The following STAT2 variants were observed in gnomAD, a reference collection of about 807,000 sequenced individuals.
STAT2 encodes signal transducer and activator of transcription 2, also known as interferon alpha induced transcriptional activator.
Under a neutral mutation model 122.3 loss-of-function variants are expected in STAT2, and 51 were observed. That is an observed-to-expected ratio of 0.42 (90% confidence interval 0.33 to 0.53). The LOEUF (loss-of-function observed/expected upper bound fraction) is 0.53. Ranked by LOEUF, STAT2 falls within the 20% of genes least tolerant of loss-of-function variation. The probability of loss-of-function intolerance (pLI) is 0.10; values close to 1 mark genes in which losing one functional copy is unlikely to be tolerated. For synonymous variants in STAT2, 351 were observed against 394.9 expected, an observed-to-expected ratio of 0.89 and a Z score of 1.32; for missense variants, 736 against 1,010.3, an observed-to-expected ratio of 0.73 and a Z score of 3.68.
At chr12:56,359,586 T>C (rs1348163937) in intron 1 of STAT2, among the ~76,000 whole-genome samples, 5 of 152,206 alleles carry the variant, frequency 3.3e-5, no homozygotes, top group Admixed American at 2.0e-4. Context: ...TTATCTCTCA[T>C]TCTTAGGCAC....
chr12:56,349,722 G>C, intron 13 of STAT2, 86 bp from the exon 14 acceptor site: 1 of 1,570,200 alleles, frequency 6.4e-7, no homozygotes, highest in Admixed American at 1.7e-5. Context: ...GACCTCTCAA[G>C]CCCTGGGAAC....
intron 19 of STAT2, among the ~76,000 whole-genome samples, chr12:56,348,179 C>T (rs1289489217): frequency 2.0e-5 from 3 of 151,204 alleles, no homozygotes; most frequent in Non-Finnish European, 4.4e-5. Flanking sequence ...GCTCCATCTC[C>T]CAGGTTCACG....
Position 56,343,886 on chromosome 12 carries a change from C to T in STAT2, c.2352G>A (p.Gln784=), listed in dbSNP as rs371190101. 6.2e-7 allele frequency: 1 copy of T among 1,614,060 alleles called. No homozygotes were observed. Among genetic ancestry groups the T allele is most frequent in the African/African-American group, 1.3e-5 (1 of 74,914 alleles). Residue 784 remains glutamine (Q), a synonymous_variant, in exon 23 of 24, where the codon CAG becomes CAA. Transcript: ENST00000314128. ...AGGGCAAATCTGGCTCTGGCACTGG[C>T]TGTGATACAGGTCCTTGGTCTGGCT... The part of the protein sequence containing the change: ...VPEPDQGPVS[Q]PVPEPDLPCD...
chr12:56,354,304 G>A (rs1274017094), intron 8 of STAT2, 162 bp downstream of exon 8: 8 of 1,038,854 alleles, frequency 7.7e-6, no homozygotes, highest in Non-Finnish European at 1.1e-5. Flanking sequence ...CTCCCTGCGT[G>A]GTGAGGATGA....
Position 56,355,443 on chromosome 12 carries a change from C to T in STAT2, c.471G>A (p.Glu157=). ...SRILDLRAMM[E]KLVKSISQLK... ...CCTAACTCCTACCACATCTACTAAC[C>T]TCCATCATAGCCCTTAAATCCAGGA... is the stretch of plus-strand genomic sequence containing the variant. Residue 157 remains glutamate, a splice_region_variant and synonymous_variant, in exon 5 of 24, where the codon GAG becomes GAA. Transcript: ENST00000314128. The T allele has an allele frequency of 6.2e-7, 1 of 1,614,190 alleles. No homozygotes were observed. Among genetic ancestry groups the T allele is most frequent in the East Asian group, 2.2e-5 (1 of 44,886 alleles).
Position 56,354,596 on chromosome 12 carries a change from T to A in STAT2, c.652A>T (p.Lys218Ter). ...GTAGTTAATCGGCCTAGCAGTGCTTTGGAGGCATCCAGCACCTCCTGGGAA... is the reference window on the plus strand; with the variant it reads ...GTAGTTAATCGGCCTAGCAGTGCTTAGGAGGCATCCAGCACCTCCTGGGAA... ...KRRKEVLDAS[K>*]ALLGRLTTLI... The change falls in exon 8 of 24, where the codon AAA becomes TAA. Residue 218 changes from lysine to a stop codon, truncating the protein, a stop_gained. Transcript: ENST00000314128. LOFTEE classifies it high-confidence loss of function. The A allele has an allele frequency of 6.2e-7, 1 of 1,614,192 alleles. No individual in the cohort carries two copies. The highest frequency in any genetic ancestry group is 1.1e-5 in the South Asian group (1 of 91,090).
At position 56,355,356 on chromosome 12, in the gene STAT2, A is replaced by G. The variant is rs1490995465; in HGVS notation, c.472-5T>C. 1 of 1,614,216 alleles carries G rather than the reference A, an allele frequency of 6.2e-7. No individual in the cohort carries two copies. The highest frequency in any genetic ancestry group is 8.5e-7 in the Non-Finnish European group (1 of 1,180,036). On this transcript the variant is annotated splice_region_variant and splice_polypyrimidine_tract_variant and intron_variant, in intron 5 of 23. Transcript: ENST00000314128. ...GCTGATGGATTTTACCAGCTTCTGC[A>G]GAGGGGAGAGGACCCCGATGAGGCT...
Position 56,344,185 on chromosome 12 carries a change from A to T in STAT2, c.2103-50T>A, listed in dbSNP as rs763264792. On this transcript the variant is annotated intron_variant, in intron 22 of 23. Transcript: ENST00000314128. ...GGGCAGGGCTCAGTGGTTCAAATGA[A>T]ATCAGGAATGGTAGAATAAGCAGAA... The T allele has an allele frequency of 2.6e-6, 4 of 1,517,362 alleles. No individual in the cohort carries two copies. The South Asian group carries it at 5.0e-5, about 19-fold the overall frequency. 94.0% of individuals were successfully genotyped at this position (1,517,362 alleles called of 1,614,324 possible). A position where few individuals can be genotyped will look rare whatever the true frequency, so the allele number is the denominator to read the frequency against.
intron 1 of STAT2, among the ~76,000 whole-genome samples, chr12:56,357,351 T>C (rs1175307759): frequency 6.6e-6 from 1 of 151,960 alleles, no homozygotes; most frequent in Non-Finnish European, 1.5e-5. Context: ...CTGTATTTTT[T>C]TTTTCTTCAG....
At chr12:56,345,172 C>CAAAAA (rs35648397) in intron 22 of STAT2, among the ~76,000 whole-genome samples, 998 of 27,124 alleles carry the variant, frequency 0.037, 63 homozygotes, top group Non-Finnish European at 0.056. Context: ...GAGACTGTCT[C>CAAAAA]AAAAAAAAAA....
chr12:56,353,731 C>A (rs866398655), intron 8 of STAT2, among the ~76,000 whole-genome samples: 1 of 151,456 alleles, frequency 6.6e-6, no homozygotes, highest in African/African-American at 2.4e-5. Flanking sequence ...TGGTGGCTCA[C>A]GCCTGTAATC....
intron 22 of STAT2, among the ~76,000 whole-genome samples, chr12:56,345,830 T>C (rs1425661715): frequency 2.0e-5 from 3 of 150,502 alleles, no homozygotes; most frequent in Non-Finnish European, 3.0e-5. Flanking sequence ...AGGTACCCAT[T>C]AACACCAGTG....
intron 8 of STAT2, 142 bp from the exon 9 acceptor site, chr12:56,351,592 G>T: frequency 1.1e-6 from 1 of 871,750 alleles, no homozygotes; most frequent in Non-Finnish European, 1.7e-6. Context: ...AGCATATAAA[G>T]GATTATTCAA....
intron 6 of STAT2, 175 bp downstream of exon 6, chr12:56,355,101 G>A (rs1879301556): frequency 2.6e-6 from 2 of 757,676 alleles, no homozygotes; most frequent in Non-Finnish European, 4.3e-6. Flanking sequence ...TCTCTCAGCT[G>A]CACCTCCAGC....
At chr12:56,357,864 T>C (rs1036672825) in intron 1 of STAT2, among the ~76,000 whole-genome samples, 2 of 151,884 alleles carry the variant, frequency 1.3e-5, no homozygotes, top group African/African-American at 2.4e-5. Context: ...GAGTGTGCCA[T>C]CATGCCAGCT....
intron 1 of STAT2, 87 bp downstream of exon 1, chr12:56,359,971 A>G: frequency 1.1e-6 from 1 of 873,598 alleles, no homozygotes; most frequent in Non-Finnish European, 1.4e-6. Flanking sequence ...TCCAGGGGGT[A>G]ACCCCTGGGG....
chr12:56,354,926 A>G, intron 6 of STAT2, 63 bp from the exon 7 acceptor site: 1 of 1,512,662 alleles, frequency 6.6e-7, no homozygotes, highest in South Asian at 1.1e-5. Context: ...CTGGGGTCTC[A>G]GTCAGAGTCA....
Position 56,351,278 on chromosome 12 carries a change from C to T in STAT2, c.941+14G>A, listed in dbSNP as rs368651882. 8.7e-6 allele frequency: 14 copies of T among 1,613,310 alleles called. No individual in the cohort carries two copies. The highest frequency in any genetic ancestry group is 1.2e-5 in the Non-Finnish European group (14 of 1,179,618). Reference sequence around the variant, plus strand: ...TTCCTTCTTTCCCCCAGGGTTCCTGCCTGGCCTCTAGACCTGTGGAGCAGA... The same window carrying T: ...TTCCTTCTTTCCCCCAGGGTTCCTGTCTGGCCTCTAGACCTGTGGAGCAGA... On this transcript the variant is annotated intron_variant, in intron 9 of 23. Transcript: ENST00000314128.
At chr12:56,355,948 A>G (rs995190311) in intron 3 of STAT2, 145 bp from the exon 4 acceptor site, 2 of 1,197,052 alleles carry the variant, frequency 1.7e-6, no homozygotes, top group Non-Finnish European at 1.2e-6. Context: ...CATCCTCCCA[A>G]CAGTGTCACG....
Sources: allele counts gnomAD v4.1 joint callset (sites outside exome capture counted in the v4.1 genomes callset), GRCh38; gene constraint gnomAD v4.1.1; transcripts MANE v1.5; gene names NCBI Gene and HGNC (gene_info 2026-07-23, HGNC 2026-07-21).